The following PRKG1 variants were observed in gnomAD, a reference collection of about 807,000 sequenced individuals.
The protein encoded by PRKG1 is protein kinase cGMP-dependent 1, also known as cGMP-dependent protein kinase 1.
In PRKG1, 35 loss-of-function variants were observed where a neutral mutation model predicts 88.1. That is an observed-to-expected ratio of 0.40 (90% confidence interval 0.30 to 0.53). PRKG1 has a LOEUF of 0.53. PRKG1 is among the 20% of genes least tolerant of loss of function. PRKG1 has a pLI of 0.59. For synonymous variants in PRKG1, 303 were observed against 292.5 expected (o/e 1.04, Z -0.37); for missense variants, 540 against 839.8 (o/e 0.64, Z 4.41).
intron 2 of PRKG1, among the ~76,000 whole-genome samples, chr10:51,154,951 A>G (rs955349680): frequency 8.5e-5 from 13 of 152,064 alleles, no homozygotes; most frequent in Non-Finnish European, 1.9e-4. Flanking sequence ...CAATATCTTA[A>G]GAACTACTAA....
At position 51,296,956 on chromosome 10, in the gene PRKG1, G is replaced by C. The variant is rs530060965; in HGVS notation, c.478+143626G>C. 1.2e-4 allele frequency among the ~76,000 whole-genome samples: 18 copies of C among 152,068 alleles called. No homozygotes were observed. In the South Asian group the frequency reaches 3.7e-3, roughly 32 times the overall value. ...TCTCTTAACTTGAATAAATATAACA[G>C]AGTGAACAGTGAAGGGGTTATTTCA... On this transcript the variant is annotated intron_variant, in intron 2 of 17. Coordinates refer to ENST00000373980, the MANE Select transcript of PRKG1 (RefSeq NM_006258.4).
intron 3 of PRKG1, among the ~76,000 whole-genome samples, chr10:51,604,233 A>G (rs1838695318): frequency 6.6e-6 from 1 of 152,046 alleles, no homozygotes. Context: ...TCAGCCTGGA[A>G]TGATTCCCTT....
At chr10:52,156,185 CAT>C (rs1340267673) in intron 8 of PRKG1, among the ~76,000 whole-genome samples, 2 of 151,490 alleles carry the variant, frequency 1.3e-5, no homozygotes, top group African/African-American at 2.4e-5. Flanking sequence ...CAAATATAAA[CAT>C]GTGCATGATA....
intron 10 of PRKG1, among the ~76,000 whole-genome samples, chr10:52,257,907 C>T (rs940209793): frequency 7.2e-6 from 1 of 139,246 alleles, no homozygotes; most frequent in African/African-American, 2.5e-5. Context: ...AACCACATGA[C>T]AGTTTCAATG....
intron 5 of PRKG1, among the ~76,000 whole-genome samples, chr10:51,991,595 T>C (rs960430693): frequency 3.3e-5 from 5 of 152,172 alleles, no homozygotes; most frequent in Admixed American, 3.3e-4. Context: ...CGGTTCTCAT[T>C]GTTCAATTCC....
At chr10:51,000,995 A>G (rs897937232) in intron 1 of PRKG1, among the ~76,000 whole-genome samples, 2 of 152,356 alleles carry the variant, frequency 1.3e-5, no homozygotes, top group African/African-American at 2.4e-5. Flanking sequence ...CTGTGGGGAC[A>G]TAGAGTTAGA....
intron 2 of PRKG1, among the ~76,000 whole-genome samples, chr10:51,164,155 G>A (rs562577171): frequency 1.3e-5 from 2 of 152,262 alleles, no homozygotes; most frequent in South Asian, 2.1e-4. Flanking sequence ...CCCCAGTAGG[G>A]GCAGACTGAC....
At chr10:51,944,875 G>C (rs1589443176) in intron 5 of PRKG1, among the ~76,000 whole-genome samples, 4 of 151,840 alleles carry the variant, frequency 2.6e-5, no homozygotes, top group South Asian at 2.1e-4. Context: ...TTACTTCCAA[G>C]TATGTGGTCA....
chr10:51,696,809 A>C (rs912251586), intron 3 of PRKG1: 1 of 152,156 alleles, frequency 6.6e-6, no homozygotes, highest in African/African-American at 2.4e-5. Context: ...TGAAAAGTCA[A>C]ATACCATTTA....
intron 3 of PRKG1, among the ~76,000 whole-genome samples, chr10:51,499,435 A>G (rs1840957657): frequency 6.6e-6 from 1 of 152,226 alleles, no homozygotes; most frequent in South Asian, 2.1e-4. Flanking sequence ...GATATTTTGC[A>G]CATTATAATT....
At chr10:51,262,220 T>A (rs996082606) in intron 2 of PRKG1, among the ~76,000 whole-genome samples, 1 of 152,100 alleles carries the variant, frequency 6.6e-6, no homozygotes, top group Non-Finnish European at 1.5e-5. Context: ...AAATATAAAT[T>A]CCTTTATTAT....
In PRKG1 at chr10:52,169,439, C is replaced by A. The variant is rs1838594561; in HGVS notation, c.1076+7476C>A. On this transcript the variant is annotated intron_variant, in intron 9 of 17. Coordinates refer to ENST00000373980, the MANE Select transcript of PRKG1 (RefSeq NM_006258.4). ...CTCTGGGGTCTCTTTTATAAGGGCA[C>A]TAAGTCCCATTCCTGAGAACTTGCC... 2.6e-5 allele frequency among the ~76,000 whole-genome samples: 4 copies of A among 152,208 alleles called. No homozygotes were observed. In the South Asian group the frequency reaches 8.3e-4, roughly 32 times the overall value.
intron 2 of PRKG1, among the ~76,000 whole-genome samples, chr10:51,458,580 T>C (rs1839656567): frequency 6.6e-6 from 1 of 152,132 alleles, no homozygotes; most frequent in Admixed American, 6.6e-5. Flanking sequence ...TAGTTATTAT[T>C]CCCATTGCAT....
intron 4 of PRKG1, among the ~76,000 whole-genome samples, chr10:51,824,079 G>C (rs1017087920): frequency 1.3e-5 from 2 of 151,922 alleles, no homozygotes; most frequent in East Asian, 3.9e-4. Flanking sequence ...TTGCCATGTT[G>C]CCTAGGCTGG....
At chr10:51,760,704 T>C (rs1837998507) in intron 3 of PRKG1, among the ~76,000 whole-genome samples, 1 of 151,998 alleles carries the variant, frequency 6.6e-6, no homozygotes, top group African/African-American at 2.4e-5. Flanking sequence ...ACTCTTGACC[T>C]CAGGTGATCT....
chr10:51,015,089 T>A (rs917393028), intron 1 of PRKG1, among the ~76,000 whole-genome samples: 1 of 152,246 alleles, frequency 6.6e-6, no homozygotes, highest in Non-Finnish European at 1.5e-5. Context: ...CACACCCATA[T>A]TTCTATGGAA....
At chr10:51,550,639 A>C (rs1033277851) in intron 3 of PRKG1, among the ~76,000 whole-genome samples, 1 of 152,056 alleles carries the variant, frequency 6.6e-6, no homozygotes, top group African/African-American at 2.4e-5. Context: ...TCATCAAATT[A>C]GTAGATCATA....
chr10:52,132,504 A>G (rs1837292217), intron 7 of PRKG1, among the ~76,000 whole-genome samples: 1 of 152,148 alleles, frequency 6.6e-6, no homozygotes, highest in African/African-American at 2.4e-5. Flanking sequence ...CACAGAGATC[A>G]GTGAAAAATA....
chr10:51,664,186 A>G (rs958637828), intron 3 of PRKG1, among the ~76,000 whole-genome samples: 5 of 152,186 alleles, frequency 3.3e-5, no homozygotes, highest in African/African-American at 9.6e-5. Context: ...TAATTTCAGG[A>G]CCACTAAGAA....
Sources: allele counts gnomAD v4.1 joint callset (sites outside exome capture counted in the v4.1 genomes callset), GRCh38; gene constraint gnomAD v4.1.1; transcripts MANE v1.5; gene names NCBI Gene and HGNC (gene_info 2026-07-23, HGNC 2026-07-21).